Variants in FARP1 observed in about 807,000 individuals in gnomAD.
FARP1 encodes FERM, ARH/RhoGEF and pleckstrin domain protein 1.
FARP1 carries 52 observed loss-of-function variants against 128.8 expected under a neutral mutation model. That is an observed-to-expected ratio of 0.40 (90% CI 0.32 to 0.51). FARP1 has a LOEUF of 0.51. Among genes scored for constraint, FARP1 ranks in the 20% least tolerant of loss-of-function variants. FARP1 has a pLI of 0.45. For missense variants in FARP1, 1,333 were observed against 1,367.9 expected, an observed-to-expected ratio of 0.97 and a Z score of 0.40; for synonymous variants, 580 against 551.8, an observed-to-expected ratio of 1.05 and a Z score of -0.72.
At chr13:98,420,259 A>G (rs1891545231) in intron 16 of FARP1, among the ~76,000 whole-genome samples, 2 of 152,152 alleles carry the variant, frequency 1.3e-5, no homozygotes, top group Non-Finnish European at 2.9e-5. Flanking sequence ...ACAGCCCACA[A>G]AAGTGTTTCC....
chr13:98,429,121 CAG>C (rs1233141423), intron 17 of FARP1, among the ~76,000 whole-genome samples: 2 of 152,160 alleles, frequency 1.3e-5, no homozygotes, highest in Non-Finnish European at 2.9e-5. Flanking sequence ...TATTTCAAAA[CAG>C]AAAGTCATGA....
chr13:98,144,182 C>T (rs1187300789), intron 1 of FARP1, among the ~76,000 whole-genome samples: 2 of 151,980 alleles, frequency 1.3e-5, no homozygotes, highest in Non-Finnish European at 2.9e-5. Flanking sequence ...GCTGTGTGAT[C>T]CGGCTGGACC....
chr13:98,290,664 G>A (rs9556928), intron 2 of FARP1, among the ~76,000 whole-genome samples: 2 of 152,158 alleles, frequency 1.3e-5, no homozygotes, highest in African/African-American at 4.8e-5. Context: ...TGGGACAGTA[G>A]TGGCCAGGAG....
At chr13:98,173,050 G>T (rs1455937911) in intron 1 of FARP1, among the ~76,000 whole-genome samples, 1 of 152,160 alleles carries the variant, frequency 6.6e-6, no homozygotes, top group Non-Finnish European at 1.5e-5. Context: ...AGTAGTTAAG[G>T]ATATCTATCA....
intron 2 of FARP1, among the ~76,000 whole-genome samples, chr13:98,301,017 C>T (rs747812248): frequency 2.0e-5 from 3 of 152,156 alleles, no homozygotes; most frequent in Non-Finnish European, 4.4e-5. Flanking sequence ...GGGGCCATTG[C>T]GCCATCCAGG....
chr13:98,353,452 C>T (rs1888517135), intron 3 of FARP1, among the ~76,000 whole-genome samples: 1 of 152,180 alleles, frequency 6.6e-6, no homozygotes, highest in South Asian at 2.1e-4. Flanking sequence ...AATCTCGGCT[C>T]ACTGCAACCT....
At chr13:98,440,406 G>A (rs898248642) in intron 23 of FARP1, among the ~76,000 whole-genome samples, 171 bp downstream of exon 23, 33 of 152,180 alleles carry the variant, frequency 2.2e-4, no homozygotes, top group African/African-American at 7.0e-4. Flanking sequence ...CCCTGAAATC[G>A]GCATGAGGGA....
At chr13:98,208,486 A>T (rs1422141699) in intron 1 of FARP1, 2 of 152,340 alleles carry the variant, frequency 1.3e-5, no homozygotes, top group Non-Finnish European at 2.9e-5. Context: ...TCAAAAAAAA[A>T]AAAAAAGCAG....
intron 3 of FARP1, among the ~76,000 whole-genome samples, chr13:98,356,949 T>G (rs1312310784): frequency 6.6e-6 from 1 of 152,150 alleles, no homozygotes; most frequent in East Asian, 1.9e-4. Flanking sequence ...TTACCCTTTT[T>G]TAAATCCCCA....
chr13:98,395,307 G>C lies in FARP1; in HGVS notation c.1245G>C (p.Pro415=). The C allele has an allele frequency of 6.2e-7, 1 of 1,610,318 alleles. No homozygotes were observed. Among genetic ancestry groups the C allele is most frequent in the Non-Finnish European group, 8.5e-7 (1 of 1,177,458 alleles). The part of the protein sequence containing the change: ...GGQSCRRGKE[P]KVSAGEPGSH... ...AGAGCTGCCGGCGAGGAAAGGAACCGAAGGTTTCCGCCGGGGAGCCGGGGT... is the reference window on the plus strand; with the variant it reads ...AGAGCTGCCGGCGAGGAAAGGAACCCAAGGTTTCCGCCGGGGAGCCGGGGT... Residue 415 remains proline, a synonymous_variant, in exon 13 of 27, where the codon CCG becomes CCC. Transcript: ENST00000319562.
chr13:98,253,335 C>A (rs766913129), intron 2 of FARP1, among the ~76,000 whole-genome samples: 1 of 152,158 alleles, frequency 6.6e-6, no homozygotes, highest in Non-Finnish European at 1.5e-5. Context: ...CAGTAGCTGC[C>A]GTTGACTGAG....
chr13:98,384,953 C>T, intron 7 of FARP1, 109 bp downstream of exon 7: 1 of 686,116 alleles, frequency 1.5e-6, no homozygotes. Context: ...TGGAGAACAA[C>T]ACAAAGCGTG....
At chr13:98,224,782 G>A (rs111832778) in intron 2 of FARP1, among the ~76,000 whole-genome samples, 31 of 152,170 alleles carry the variant, frequency 2.0e-4, no homozygotes, top group East Asian at 3.9e-4. Context: ...GGTTGGAGGC[G>A]ACCATGACTT....
intron 5 of FARP1, among the ~76,000 whole-genome samples, chr13:98,374,000 C>T (rs1271417507): frequency 1.3e-5 from 2 of 152,118 alleles, no homozygotes; most frequent in Non-Finnish European, 2.9e-5. Flanking sequence ...TCCCATTGCC[C>T]GTCACATTAG....
chr13:98,174,214 T>A (rs1594229441), intron 1 of FARP1, among the ~76,000 whole-genome samples: 2 of 152,248 alleles, frequency 1.3e-5, no homozygotes, highest in East Asian at 3.8e-4. Context: ...TGCAAATGAT[T>A]GATTATGAAC....
intron 1 of FARP1, among the ~76,000 whole-genome samples, chr13:98,195,351 TTGGGGAATATATGTA>T (rs2139248066): frequency 6.6e-6 from 1 of 152,342 alleles, no homozygotes; most frequent in South Asian, 2.1e-4. Context: ...AGCATTTGCT[TTGGGGAATATATGTA>T]TTCCCCCGGG....
At chr13:98,339,134 C>T (rs543205312) in intron 2 of FARP1, among the ~76,000 whole-genome samples, 1 of 152,316 alleles carries the variant, frequency 6.6e-6, no homozygotes, top group Non-Finnish European at 1.5e-5. Context: ...TTCGTCCATT[C>T]TCACAGTGCT....
At chr13:98,165,670 T>C (rs1169775437) in intron 1 of FARP1, among the ~76,000 whole-genome samples, 3 of 77,360 alleles carry the variant, frequency 3.9e-5, no homozygotes, top group Non-Finnish European at 9.4e-5. Flanking sequence ...TATGATAATC[T>C]CTCATCATTA....
intron 1 of FARP1, among the ~76,000 whole-genome samples, chr13:98,161,361 G>A (rs9300462): frequency 0.24 from 36,719 of 151,088 alleles, 4,601 homozygotes; most frequent in Middle Eastern, 0.34. Flanking sequence ...GATTACAGGC[G>A]CGCACCACCA....
Sources: gnomAD v4.1 joint callset for allele counts (sites outside exome capture counted in the v4.1 genomes callset) on GRCh38, gnomAD v4.1.1 for gene constraint, MANE v1.5 for transcripts, NCBI Gene and HGNC (gene_info 2026-07-23, HGNC 2026-07-21) for gene names.